Variants in SLC4A10 observed in about 807,000 individuals in gnomAD.
The protein encoded by SLC4A10 is sodium-driven chloride bicarbonate exchanger.
In SLC4A10, 42 loss-of-function variants were observed where a neutral mutation model predicts 137.7. The ratio of observed to expected loss-of-function variants is 0.30; its 90% CI spans 0.24 to 0.39. The LOEUF (loss-of-function observed/expected upper bound fraction) is 0.39. Ranked by LOEUF, SLC4A10 falls within the 10% of genes least tolerant of loss-of-function variation. The probability of loss-of-function intolerance (pLI) is 1.00; values close to 1 mark genes in which losing one functional copy is unlikely to be tolerated. For missense variants in SLC4A10, 925 were observed against 1,355.0 expected (o/e 0.68, Z 4.98); for synonymous variants, 474 against 464.1 (o/e 1.02, Z -0.27).
chr2:161,939,667 T>C (rs893836513), intron 15 of SLC4A10, among the ~76,000 whole-genome samples: 30 of 152,178 alleles, frequency 2.0e-4, no homozygotes, highest in African/African-American at 7.0e-4. Flanking sequence ...TATTAACATA[T>C]ATTATTTTGT....
chr2:161,652,917 A>G (rs139113166), intron 1 of SLC4A10, among the ~76,000 whole-genome samples: 9 of 152,136 alleles, frequency 5.9e-5, no homozygotes, highest in African/African-American at 2.2e-4. Context: ...TTTGTTACAC[A>G]GGTATACACG....
intron 1 of SLC4A10, among the ~76,000 whole-genome samples, chr2:161,669,605 C>T (rs1489589091): frequency 6.6e-6 from 1 of 151,898 alleles, no homozygotes; most frequent in Admixed American, 6.6e-5. Flanking sequence ...TGATGGACAA[C>T]ATTTTGTAAT....
At chr2:161,702,841 G>A (rs2043265450) in intron 1 of SLC4A10, among the ~76,000 whole-genome samples, 1 of 151,712 alleles carries the variant, frequency 6.6e-6, no homozygotes, top group Non-Finnish European at 1.5e-5. Context: ...TTGTCTATAA[G>A]CGTAGAAACA....
chr2:161,647,857 A>G (rs1030948767), intron 1 of SLC4A10, among the ~76,000 whole-genome samples: 2 of 152,176 alleles, frequency 1.3e-5, no homozygotes, highest in Non-Finnish European at 2.9e-5. Flanking sequence ...GGATTAGAGG[A>G]GAAGGTCCAG....
chr2:161,866,359 A>C (rs1278220794), intron 6 of SLC4A10, among the ~76,000 whole-genome samples: 1 of 151,946 alleles, frequency 6.6e-6, no homozygotes, highest in Non-Finnish European at 1.5e-5. Context: ...GATTTGTGAT[A>C]ATTTGTCAAT....
At chr2:161,870,618 G>A (rs984404870) in intron 6 of SLC4A10, among the ~76,000 whole-genome samples, 2 of 151,758 alleles carry the variant, frequency 1.3e-5, no homozygotes, top group Non-Finnish European at 3.0e-5. Context: ...TCTGTTGGTA[G>A]CACAAATGCA....
intron 1 of SLC4A10, among the ~76,000 whole-genome samples, chr2:161,650,844 G>A: frequency 6.6e-6 from 1 of 152,148 alleles, no homozygotes; most frequent in East Asian, 1.9e-4. Context: ...GGGCCTACAG[G>A]TGTACCTCAG....
chr2:161,873,530 C>CAAAAA (rs759717096), intron 7 of SLC4A10, among the ~76,000 whole-genome samples: 13 of 17,336 alleles, frequency 7.5e-4, no homozygotes, highest in Non-Finnish European at 9.9e-4. Context: ...GACCACATCT[C>CAAAAA]AAAAAAAAAA....
intron 5 of SLC4A10, among the ~76,000 whole-genome samples, chr2:161,859,908 C>G (rs1332081399): frequency 1.3e-5 from 2 of 152,108 alleles, no homozygotes; most frequent in African/African-American, 4.8e-5. Context: ...TCTCTTATCA[C>G]CCAGATCCTG....
chr2:161,908,846 C>G (rs563664042), intron 15 of SLC4A10, among the ~76,000 whole-genome samples: 9 of 151,810 alleles, frequency 5.9e-5, no homozygotes, highest in African/African-American at 2.2e-4. Flanking sequence ...AGGAAGGCAG[C>G]AATGATGAAA....
At chr2:161,851,387 G>A (rs1453130309) in intron 4 of SLC4A10, among the ~76,000 whole-genome samples, 3 of 152,016 alleles carry the variant, frequency 2.0e-5, no homozygotes, top group Non-Finnish European at 4.4e-5. Flanking sequence ...TATGAATCTG[G>A]GTGTTCCAGT....
intron 1 of SLC4A10, among the ~76,000 whole-genome samples, chr2:161,760,815 A>G (rs2050177312): frequency 6.6e-6 from 1 of 151,938 alleles, no homozygotes; most frequent in African/African-American, 2.4e-5. Flanking sequence ...ACCGTGTCCT[A>G]ATGGTTTTTG....
At chr2:161,763,870 G>T (rs1320736579) in intron 1 of SLC4A10, among the ~76,000 whole-genome samples, 5 of 152,090 alleles carry the variant, frequency 3.3e-5, no homozygotes, top group African/African-American at 1.2e-4. Flanking sequence ...CTAATAAAAA[G>T]GCAGAAATGG....
chr2:161,968,872 T>C (rs1395721660), intron 23 of SLC4A10, among the ~76,000 whole-genome samples: 1 of 152,352 alleles, frequency 6.6e-6, no homozygotes, highest in African/African-American at 2.4e-5. Context: ...GGTTGATTTG[T>C]TTGCCCGGAT....
intron 2 of SLC4A10, among the ~76,000 whole-genome samples, chr2:161,797,752 T>A (rs143088245): frequency 6.6e-6 from 1 of 152,226 alleles, no homozygotes; most frequent in Non-Finnish European, 1.5e-5. Flanking sequence ...CAAAGTTAAT[T>A]TAGTTGCTAT....
intron 1 of SLC4A10, among the ~76,000 whole-genome samples, chr2:161,688,105 GAAATGGGCTT>G (rs2041627503): frequency 6.6e-6 from 1 of 152,080 alleles, no homozygotes; most frequent in South Asian, 2.1e-4. Flanking sequence ...AGAATAAAAG[GAAATGGGCTT>G]AAATTATAGT....
chr2:161,861,198 G>A (rs972548587), intron 5 of SLC4A10, among the ~76,000 whole-genome samples: 1 of 152,180 alleles, frequency 6.6e-6, no homozygotes, highest in African/African-American at 2.4e-5. Flanking sequence ...TAGCCTGTCA[G>A]TCATATGAAT....
intron 2 of SLC4A10, among the ~76,000 whole-genome samples, chr2:161,786,912 T>C (rs2053688999): frequency 6.6e-6 from 1 of 151,952 alleles, no homozygotes; most frequent in South Asian, 2.1e-4. Context: ...CATAGTATTG[T>C]TAGCTAGTTG....
chr2:161,687,097 G>A (rs1169792335), intron 1 of SLC4A10, among the ~76,000 whole-genome samples: 2 of 152,098 alleles, frequency 1.3e-5, no homozygotes, highest in African/African-American at 2.4e-5. Context: ...TGGCCAGACT[G>A]GTCTTGAACT....
Sources: gnomAD v4.1 joint callset for allele counts (sites outside exome capture counted in the v4.1 genomes callset) on GRCh38, gnomAD v4.1.1 for gene constraint, MANE v1.5 for transcripts, NCBI Gene and HGNC (gene_info 2026-07-23, HGNC 2026-07-21) for gene names.